Variants in CHRM3 observed in about 807,000 individuals in gnomAD.
CHRM3 encodes cholinergic receptor muscarinic 3.
A neutral mutation model predicts 41.8 loss-of-function variants in CHRM3; 11 were observed. The observed-to-expected ratio is 0.26, with a 90% confidence interval of 0.17 to 0.44. The LOEUF (loss-of-function observed/expected upper bound fraction) is 0.44, where lower values mean the gene tolerates loss of function less well. CHRM3 is among the 20% of genes least tolerant of loss of function. CHRM3 has a pLI of 1.00. For missense variants in CHRM3, 571 were observed against 745.4 expected, an observed-to-expected ratio of 0.77 and a Z score of 2.72; for synonymous variants, 297 against 301.4, an observed-to-expected ratio of 0.99 and a Z score of 0.15.
At chr1:239,652,297 G>A (rs1672313938) in intron 4 of CHRM3, among the ~76,000 whole-genome samples, 1 of 152,162 alleles carries the variant, frequency 6.6e-6, no homozygotes, top group African/African-American at 2.4e-5. Context: ...ATTAAAATTT[G>A]AGAAGCACTG....
rs191887826 is a variant in CHRM3, at chr1:239,515,954, G to A, written c.-422+23147G>A. 2.1e-4 allele frequency among the ~76,000 whole-genome samples: 32 copies of A among 152,286 alleles called. No individual in the cohort carries two copies. In the East Asian group the frequency reaches 4.8e-3, roughly 23 times the overall value. On this transcript the variant is annotated intron_variant, in intron 2 of 6. Coordinates refer to ENST00000676153, the MANE Select transcript of CHRM3 (RefSeq NM_001375978.1). ...CTGACTTCTGGCTTCGTTGTTGAAT[G>A]GGATTGTAGGATATTATACCCCTGG...
intron 4 of CHRM3, among the ~76,000 whole-genome samples, chr1:239,645,240 C>G (rs1269790472): frequency 6.6e-6 from 1 of 152,202 alleles, no homozygotes; most frequent in Non-Finnish European, 1.5e-5. Context: ...AGGGCCCCTG[C>G]CCAAGCCCTG....
At chr1:239,467,963 T>G (rs1345656229) in intron 1 of CHRM3, among the ~76,000 whole-genome samples, 1 of 151,492 alleles carries the variant, frequency 6.6e-6, no homozygotes, top group Non-Finnish European at 1.5e-5. Context: ...CTTCTCAGAG[T>G]CTGAGGGTGT....
chr1:239,591,295 G>A (rs1438981705), intron 3 of CHRM3, among the ~76,000 whole-genome samples: 1 of 151,972 alleles, frequency 6.6e-6, no homozygotes, highest in Non-Finnish European at 1.5e-5. Flanking sequence ...TACTAGTGTT[G>A]GTAATCTAGC....
At chr1:239,583,093 A>C (rs1308678225) in intron 3 of CHRM3, among the ~76,000 whole-genome samples, 1 of 152,196 alleles carries the variant, frequency 6.6e-6, no homozygotes, top group Admixed American at 6.5e-5. Context: ...GACCATGTGA[A>C]GTTCCCTCAC....
intron 3 of CHRM3, among the ~76,000 whole-genome samples, chr1:239,590,929 T>C (rs1664061516): frequency 6.6e-6 from 1 of 152,170 alleles, no homozygotes; most frequent in South Asian, 2.1e-4. Context: ...ATAATCCCAT[T>C]GTAGGATATG....
chr1:239,783,737 G>T (rs994819368), intron 5 of CHRM3, among the ~76,000 whole-genome samples: 3 of 152,124 alleles, frequency 2.0e-5, no homozygotes, highest in Admixed American at 6.5e-5. Context: ...AGGTTCGGGG[G>T]TATATGTGCA....
chr1:239,849,303 T>A (rs572888304), intron 6 of CHRM3, among the ~76,000 whole-genome samples: 8 of 152,200 alleles, frequency 5.3e-5, no homozygotes, highest in Non-Finnish European at 1.0e-4. Context: ...CTATTACTGG[T>A]GATGATTCAA....
chr1:239,480,966 A>G (rs1322443483), intron 1 of CHRM3, among the ~76,000 whole-genome samples: 1 of 152,198 alleles, frequency 6.6e-6, no homozygotes, highest in Non-Finnish European at 1.5e-5. Flanking sequence ...GCTCCCTTGT[A>G]TACTAAAATG....
intron 3 of CHRM3, among the ~76,000 whole-genome samples, chr1:239,587,845 T>A (rs1454531009): frequency 1.3e-5 from 2 of 152,206 alleles, no homozygotes; most frequent in African/African-American, 4.8e-5. Flanking sequence ...AGGAGCTTCA[T>A]ATTTACTTAA....
intron 6 of CHRM3, among the ~76,000 whole-genome samples, chr1:239,831,265 T>G (rs1672875265): frequency 6.6e-6 from 1 of 152,146 alleles, no homozygotes; most frequent in Non-Finnish European, 1.5e-5. Flanking sequence ...TTCTAAGACC[T>G]TAATTCCATC....
chr1:239,640,146 G>A (rs1404618873), intron 4 of CHRM3, among the ~76,000 whole-genome samples: 1 of 151,204 alleles, frequency 6.6e-6, no homozygotes, highest in East Asian at 2.0e-4. Flanking sequence ...GCTTTTTGAT[G>A]TGCTGCTGGA....
chr1:239,701,205 C>T (rs975420680), intron 5 of CHRM3, among the ~76,000 whole-genome samples: 1 of 152,196 alleles, frequency 6.6e-6, no homozygotes, highest in Non-Finnish European at 1.5e-5. Context: ...GTACCACTGA[C>T]CATCATCTTC....
chr1:239,563,444 T>TA (rs890867787), intron 3 of CHRM3, among the ~76,000 whole-genome samples: 5 of 152,056 alleles, frequency 3.3e-5, no homozygotes, highest in South Asian at 2.1e-4. Flanking sequence ...GGCTAAAGCT[T>TA]AAAAAAAATG....
At chr1:239,665,121 T>G (rs1468809546) in intron 4 of CHRM3, among the ~76,000 whole-genome samples, 1 of 151,638 alleles carries the variant, frequency 6.6e-6, no homozygotes, top group Non-Finnish European at 1.5e-5. Flanking sequence ...TTAGCCTGAT[T>G]TCTTATGCTG....
At chr1:239,491,760 A>G (rs995269591) in intron 1 of CHRM3, among the ~76,000 whole-genome samples, 4 of 152,292 alleles carry the variant, frequency 2.6e-5, no homozygotes, top group Non-Finnish European at 4.4e-5. Flanking sequence ...AGAAAACTCC[A>G]TGCTGTTTTT....
chr1:239,719,980 T>G (rs1054184827), intron 5 of CHRM3, among the ~76,000 whole-genome samples: 1 of 151,950 alleles, frequency 6.6e-6, no homozygotes, highest in African/African-American at 2.4e-5. Context: ...GTTAATTGCT[T>G]CCGAAAGCTT....
intron 3 of CHRM3, among the ~76,000 whole-genome samples, chr1:239,602,120 A>G (rs1231033366): frequency 2.1e-4 from 12 of 56,186 alleles, no homozygotes; most frequent in African/African-American, 4.0e-4. Context: ...GTATATATAT[A>G]TATATATATA....
At chr1:239,589,715 T>A (rs1663891714) in intron 3 of CHRM3, among the ~76,000 whole-genome samples, 1 of 147,574 alleles carries the variant, frequency 6.8e-6, no homozygotes, top group African/African-American at 2.5e-5. Context: ...TTCTTTTTCA[T>A]GAACAGTGCT....
Sources: allele counts gnomAD v4.1 joint callset (sites outside exome capture counted in the v4.1 genomes callset), GRCh38; gene constraint gnomAD v4.1.1; transcripts MANE v1.5; gene names NCBI Gene and HGNC (gene_info 2026-07-23, HGNC 2026-07-21).